Variants in PPARGC1A observed in about 807,000 individuals in gnomAD.
PPARGC1A encodes the protein PPARG coactivator 1 alpha, also known as peroxisome proliferator-activated receptor gamma coactivator 1-alpha.
PPARGC1A carries 25 observed loss-of-function variants against 88.7 expected under a neutral mutation model. That is an observed-to-expected ratio of 0.28 (90% CI 0.21 to 0.39). The LOEUF (loss-of-function observed/expected upper bound fraction) is 0.39, where lower values mean the gene tolerates loss of function less well. Ranked by LOEUF, PPARGC1A falls within the 10% of genes least tolerant of loss-of-function variation. PPARGC1A has a pLI of 1.00. For missense variants in PPARGC1A, 880 were observed against 968.7 expected, an observed-to-expected ratio of 0.91 and a Z score of 1.22; for synonymous variants, 363 against 355.6, an observed-to-expected ratio of 1.02 and a Z score of -0.24.
At chr4:23,943,000 A>G in the PPARGC1A span, among the ~76,000 whole-genome samples, 2 of 152,204 alleles carry the variant, frequency 1.3e-5, no homozygotes, top group Non-Finnish European at 2.9e-5. Context: ...AATTGTAGGT[A>G]TAATTTGAGT....
the PPARGC1A span, among the ~76,000 whole-genome samples, chr4:24,306,774 C>T: frequency 6.6e-6 from 1 of 152,210 alleles, no homozygotes; most frequent in South Asian, 2.1e-4. Context: ...TTGCTCACCC[C>T]TGATCTAGAC....
chr4:23,801,957 G>A, intron 11 of PPARGC1A, 76 bp from the exon 12 acceptor site: 1 of 1,552,526 alleles, frequency 6.4e-7, no homozygotes, highest in Non-Finnish European at 8.8e-7. Context: ...TCTACTTTGT[G>A]AGACTTCTCC....
chr4:24,300,145 C>T, the PPARGC1A span, among the ~76,000 whole-genome samples: 5 of 152,098 alleles, frequency 3.3e-5, no homozygotes, highest in Admixed American at 3.3e-4. Context: ...TTATCTACTC[C>T]AGTGTCCTTT....
At chr4:24,173,999 C>T in the PPARGC1A span, among the ~76,000 whole-genome samples, 1 of 152,048 alleles carries the variant, frequency 6.6e-6, no homozygotes, top group African/African-American at 2.4e-5. Flanking sequence ...CATTTGAGGA[C>T]CTTGGAATTT....
At chr4:24,274,838 T>C in the PPARGC1A span, among the ~76,000 whole-genome samples, 5 of 152,300 alleles carry the variant, frequency 3.3e-5, no homozygotes, top group South Asian at 1.0e-3. Flanking sequence ...TGTGCATGTT[T>C]TCCATTTGTG....
chr4:23,816,804 T>C (rs996676271), intron 7 of PPARGC1A, among the ~76,000 whole-genome samples: 1 of 152,240 alleles, frequency 6.6e-6, no homozygotes. Context: ...CATATTACTA[T>C]ACATTTTTGC....
the PPARGC1A span, chr4:24,091,497 T>C: frequency 3.0e-6 from 3 of 985,376 alleles, no homozygotes; most frequent in Non-Finnish European, 3.6e-6. Context: ...TGAAGTACTT[T>C]TTTCCAGTCT....
chr4:24,179,381 G>A, the PPARGC1A span, among the ~76,000 whole-genome samples: 9 of 152,210 alleles, frequency 5.9e-5, no homozygotes, highest in African/African-American at 1.9e-4. Flanking sequence ...CTTTCCCCTT[G>A]CATCTGACCT....
At chr4:24,214,449 A>C in the PPARGC1A span, among the ~76,000 whole-genome samples, 64 of 152,316 alleles carry the variant, frequency 4.2e-4, no homozygotes, top group Middle Eastern at 0.014. Context: ...ATGACAGCAT[A>C]GTGTTTTCTA....
chr4:23,847,578 A>G (rs1236641782), intron 2 of PPARGC1A, among the ~76,000 whole-genome samples: 2 of 152,250 alleles, frequency 1.3e-5, no homozygotes, highest in African/African-American at 4.8e-5. Context: ...CTCTGACCAT[A>G]GGCTGTGTAA....
chr4:23,959,017 CAAAAA>C, the PPARGC1A span, among the ~76,000 whole-genome samples: 2 of 138,850 alleles, frequency 1.4e-5, no homozygotes, highest in Non-Finnish European at 1.6e-5. Context: ...TTTACCAAAC[CAAAAA>C]AAAAAAAAAA....
chr4:23,809,170 A>AT (rs759211242), intron 10 of PPARGC1A, among the ~76,000 whole-genome samples: 10 of 152,136 alleles, frequency 6.6e-5, no homozygotes, highest in Admixed American at 3.9e-4. Context: ...CTATGTATGA[A>AT]TTTTCAAGCT....
At chr4:24,173,358 GA>G in the PPARGC1A span, among the ~76,000 whole-genome samples, 28 of 120,838 alleles carry the variant, frequency 2.3e-4, no homozygotes, top group Admixed American at 2.5e-4. Context: ...AAAAAAAAAA[GA>G]AAAAAAATTC....
chr4:23,822,238 T>C (rs1378336060), intron 7 of PPARGC1A, among the ~76,000 whole-genome samples: 1 of 152,120 alleles, frequency 6.6e-6, no homozygotes, highest in Non-Finnish European at 1.5e-5. Context: ...CATCTGAGCA[T>C]CCCTTTGGTT....
chr4:24,068,847 T>A, the PPARGC1A span, among the ~76,000 whole-genome samples: 4 of 152,188 alleles, frequency 2.6e-5, no homozygotes, highest in African/African-American at 9.7e-5. Context: ...ACTCTCATCA[T>A]GGACCCTCAT....
the PPARGC1A span, among the ~76,000 whole-genome samples, chr4:24,384,558 CAA>C: frequency 3.9e-3 from 213 of 53,930 alleles, 1 homozygote; most frequent in African/African-American, 0.01. Flanking sequence ...AAATGGAAAG[CAA>C]AAAAAAAAAA....
the PPARGC1A span, among the ~76,000 whole-genome samples, chr4:24,217,983 A>G: frequency 6.6e-6 from 1 of 152,192 alleles, no homozygotes; most frequent in Non-Finnish European, 1.5e-5. Flanking sequence ...CTTTTTTAAA[A>G]TTGTTAAAAT....
At chr4:24,203,780 T>C in the PPARGC1A span, among the ~76,000 whole-genome samples, 6 of 152,220 alleles carry the variant, frequency 3.9e-5, no homozygotes, top group African/African-American at 1.4e-4. Flanking sequence ...CTGAGCTCTT[T>C]GAAAGAAAAG....
the PPARGC1A span, among the ~76,000 whole-genome samples, chr4:24,372,742 T>G: frequency 6.6e-6 from 1 of 152,182 alleles, no homozygotes; most frequent in Non-Finnish European, 1.5e-5. Context: ...GCTACTTTAT[T>G]AATCTCTCTA....
Sources: gnomAD v4.1 joint callset for allele counts (sites outside exome capture counted in the v4.1 genomes callset) on GRCh38, gnomAD v4.1.1 for gene constraint, MANE v1.5 for transcripts, NCBI Gene and HGNC (gene_info 2026-07-23, HGNC 2026-07-21) for gene names.